Variants in CREB3L2 observed in about 807,000 individuals in gnomAD.
CREB3L2 encodes cAMP responsive element binding protein 3 like 2.
In CREB3L2, 23 loss-of-function variants were observed where a neutral mutation model predicts 57.2. That is an observed-to-expected ratio of 0.40 (90% CI 0.29 to 0.57). CREB3L2 has a LOEUF of 0.57. Among genes scored for constraint, CREB3L2 ranks in the 20% least tolerant of loss-of-function variants. CREB3L2 has a pLI of 0.42. For synonymous variants in CREB3L2, 268 were observed against 265.1 expected (o/e 1.01, Z -0.11); for missense variants, 628 against 634.7 (o/e 0.99, Z 0.11).
At chr7:137,882,234 AG>A (rs1409209577) in intron 11 of CREB3L2, among the ~76,000 whole-genome samples, 177 bp downstream of exon 11, 1 of 152,174 alleles carries the variant, frequency 6.6e-6, no homozygotes, top group East Asian at 1.9e-4. Context: ...ATCTCTGCTC[AG>A]GGCAACTGTT....
intron 1 of CREB3L2, among the ~76,000 whole-genome samples, chr7:137,941,871 A>C (rs1320908508): frequency 2.0e-5 from 3 of 152,230 alleles, no homozygotes; most frequent in Non-Finnish European, 4.4e-5. Flanking sequence ...AAAATTATTA[A>C]GTATTTCTCT....
intron 1 of CREB3L2, among the ~76,000 whole-genome samples, chr7:137,936,873 G>T (rs941817760): frequency 6.6e-6 from 1 of 152,210 alleles, no homozygotes; most frequent in Admixed American, 6.5e-5. Flanking sequence ...AGCTACGAAG[G>T]TTTTTCAACT....
intron 1 of CREB3L2, among the ~76,000 whole-genome samples, chr7:137,958,588 G>A (rs1801262168): frequency 6.6e-6 from 1 of 152,208 alleles, no homozygotes. Flanking sequence ...AGTGATAAGA[G>A]TTTTAAAAAG....
At chr7:137,927,380 AGGAAGGGAGGGAAGGAGGGAAGGAAG>A (rs934729716) in intron 2 of CREB3L2, among the ~76,000 whole-genome samples, 4 of 135,502 alleles carry the variant, frequency 3.0e-5, no homozygotes, top group African/African-American at 1.1e-4. Context: ...AAAAGAGAGA[AGGAAGGGAGGGAAGGAGGGAAGGAAG>A]GGAAGGGAAG....
chr7:137,965,837 A>C (rs1801398520), intron 1 of CREB3L2, among the ~76,000 whole-genome samples: 1 of 152,220 alleles, frequency 6.6e-6, no homozygotes, highest in African/African-American at 2.4e-5. Flanking sequence ...CAACTGGGAG[A>C]AACACCTACT....
chr7:137,899,482 G>A (rs1303911607), intron 8 of CREB3L2, among the ~76,000 whole-genome samples: 1 of 152,242 alleles, frequency 6.6e-6, no homozygotes, highest in Non-Finnish European at 1.5e-5. Context: ...TATCGGCTCA[G>A]GATGCTAAAA....
intron 1 of CREB3L2, among the ~76,000 whole-genome samples, chr7:137,945,416 T>C (rs1800955052): frequency 6.6e-6 from 1 of 152,216 alleles, no homozygotes; most frequent in Admixed American, 6.5e-5. Context: ...CTGAATTGCG[T>C]GAGACCTGGT....
rs979137053 is a variant in CREB3L2, at chr7:137,916,796, G to GAGCGAGAGCGAGTGAC, written c.320-800_320-785dup. The stretch of plus-strand genomic sequence containing the variant: ...AGAGTGAGAGTGAGAGTGAGAGCGA[G>GAGCGAGAGCGAGTGAC]AGCGAGAGCGAGTGACAGCGAGAGC... On this transcript the variant is annotated intron_variant, in intron 2 of 11. Transcript: ENST00000330387. Among the ~76,000 whole-genome samples the GAGCGAGAGCGAGTGAC allele has an allele frequency of 1.6e-3, 244 of 152,172 alleles. 1 individual carries two copies. Among genetic ancestry groups the GAGCGAGAGCGAGTGAC allele is most frequent in the African/African-American group, 5.6e-3 (234 of 41,508 alleles).
chr7:137,929,427 G>T (rs778942692), intron 1 of CREB3L2, among the ~76,000 whole-genome samples: 1 of 151,964 alleles, frequency 6.6e-6, no homozygotes, highest in African/African-American at 2.4e-5. Context: ...AGCATTCCCG[G>T]CCTCCACCCA....
chr7:137,983,778 A>G (rs1801749650), intron 1 of CREB3L2, among the ~76,000 whole-genome samples: 1 of 152,142 alleles, frequency 6.6e-6, no homozygotes, highest in African/African-American at 2.4e-5. Context: ...TTCACTCCTC[A>G]GGGGCAGGGA....
chr7:137,914,846 T>C (rs553177002), intron 3 of CREB3L2, among the ~76,000 whole-genome samples: 7 of 152,148 alleles, frequency 4.6e-5, no homozygotes, highest in Non-Finnish European at 1.0e-4. Flanking sequence ...ACTGATTCTG[T>C]GTTACCATAT....
At chr7:137,911,314 T>C (rs998086323) in intron 4 of CREB3L2, among the ~76,000 whole-genome samples, 3 of 152,246 alleles carry the variant, frequency 2.0e-5, no homozygotes, top group African/African-American at 7.2e-5. Context: ...CCTTTCTTTA[T>C]TGATAATAAA....
intron 1 of CREB3L2, among the ~76,000 whole-genome samples, chr7:137,928,942 G>T (rs965533572): frequency 3.9e-5 from 6 of 152,132 alleles, no homozygotes; most frequent in Admixed American, 2.6e-4. Flanking sequence ...TTCACTGGGG[G>T]TCCTTGCTAT....
chr7:137,978,526 A>G (rs1801649936), intron 1 of CREB3L2, among the ~76,000 whole-genome samples: 1 of 152,312 alleles, frequency 6.6e-6, no homozygotes, highest in East Asian at 1.9e-4. Flanking sequence ...CCAAGATGGC[A>G]GGTGGTTCTG....
At position 137,908,140 on chromosome 7, in the gene CREB3L2, C is replaced by T. The variant is rs974076182; in HGVS notation, c.768+112G>A. 3 of 766,342 alleles carry T rather than the reference C, an allele frequency of 3.9e-6. No individual in the cohort carries two copies. The African/African-American group carries it at 5.4e-5, about 14-fold the overall frequency. 47.5% of individuals were successfully genotyped at this position (766,342 alleles called of 1,614,324 possible). A position where few individuals can be genotyped will look rare whatever the true frequency, so the allele number is the denominator to read the frequency against. On this transcript the variant is annotated intron_variant, in intron 5 of 11. Transcript: ENST00000330387. ...TGCTTTCGCCATTAAGCAGAAACTT[C>T]TTGACAAAAGTAAAAACCAAACAGC...
At chr7:137,902,730 T>C (rs1393171844) in intron 7 of CREB3L2, among the ~76,000 whole-genome samples, 1 of 152,220 alleles carries the variant, frequency 6.6e-6, no homozygotes, top group Non-Finnish European at 1.5e-5. Context: ...CCAAACACAA[T>C]GTAAATACTA....
intron 2 of CREB3L2, among the ~76,000 whole-genome samples, chr7:137,926,850 T>C (rs1467295787): frequency 6.6e-6 from 1 of 151,988 alleles, no homozygotes; most frequent in East Asian, 1.9e-4. Flanking sequence ...AAACAAAACA[T>C]AGAAAATTAA....
intron 1 of CREB3L2, among the ~76,000 whole-genome samples, chr7:137,945,566 G>GACA (rs1470709305): frequency 1.3e-5 from 2 of 152,200 alleles, no homozygotes; most frequent in African/African-American, 4.8e-5. Context: ...AGGCCTAAAA[G>GACA]ACAGACTTTT....
intron 1 of CREB3L2, among the ~76,000 whole-genome samples, chr7:137,986,623 T>C (rs1801796058): frequency 6.6e-6 from 1 of 152,212 alleles, no homozygotes; most frequent in South Asian, 2.1e-4. Flanking sequence ...CCAACTGCCT[T>C]TTCCAGTGGT....
Sources: allele counts gnomAD v4.1 joint callset (sites outside exome capture counted in the v4.1 genomes callset), GRCh38; gene constraint gnomAD v4.1.1; transcripts MANE v1.5; gene names NCBI Gene and HGNC (gene_info 2026-07-23, HGNC 2026-07-21).